Variants in TICRR observed in about 807,000 individuals in gnomAD.
TICRR encodes the protein TOPBP1 interacting checkpoint and replication regulator.
TICRR carries 132 observed loss-of-function variants against 178.1 expected under a neutral mutation model. That is an observed-to-expected ratio of 0.74 (90% CI 0.64 to 0.86). The LOEUF (loss-of-function observed/expected upper bound fraction) is 0.86, where lower values mean the gene tolerates loss of function less well. Among genes scored for constraint, TICRR ranks in the 40% least tolerant of loss-of-function variants. The pLI, the probability that TICRR is intolerant of heterozygous loss-of-function variation, is 0.00. For synonymous variants in TICRR, 991 were observed against 900.7 expected (o/e 1.10, Z -1.79); for missense variants, 2,587 against 2,334.3 (o/e 1.11, Z -2.23).
Position 89,624,027 on chromosome 15 carries a change from G to A in TICRR, c.3717G>A (p.Glu1239=). 2 of 1,613,948 alleles carry A rather than the reference G, an allele frequency of 1.2e-6. No individual in the cohort carries two copies. The highest frequency in any genetic ancestry group is 1.1e-5 in the South Asian group (1 of 91,052). Residue 1239 remains glutamate, a synonymous_variant, in exon 20 of 22, where the codon GAG becomes GAA. Coordinates refer to ENST00000268138, the MANE Select transcript of TICRR (RefSeq NM_152259.4). ...PTSSTAQPRR[E]CLTPIRDPLR... is the part of the protein sequence containing the mutation. ...CATCGACTGCCCAGCCCAGGAGAGA[G>A]TGTCTCACTCCCATCAGAGACCCTC...
At chr15:89,605,560 C>T (rs1342956035) in intron 13 of TICRR, among the ~76,000 whole-genome samples, 1 of 152,096 alleles carries the variant, frequency 6.6e-6, no homozygotes, top group East Asian at 1.9e-4. Flanking sequence ...GGAGTTTCAC[C>T]ATGTTAGCCA....
Position 89,610,688 on chromosome 15 carries a change from T to C in TICRR, c.2869+1739T>C, listed in dbSNP as rs978770426. ...TTTCAATTGCAGTGCTTAATCCACT[T>C]CTATGAATGTAATTACTAATAAGGA... On this transcript the variant is annotated intron_variant, in intron 15 of 21. Coordinates refer to ENST00000268138, the MANE Select transcript of TICRR (RefSeq NM_152259.4). 1.1e-4 allele frequency among the ~76,000 whole-genome samples: 16 copies of C among 152,318 alleles called. 1 individual carries two copies. Among genetic ancestry groups the C allele is most frequent in the Admixed American group, 9.1e-4 (14 of 15,302 alleles).
At chr15:89,621,353 T>G in intron 18 of TICRR, 40 bp from the exon 19 acceptor site, 4 of 1,575,892 alleles carry the variant, frequency 2.5e-6, no homozygotes, top group Non-Finnish European at 3.4e-6. Context: ...GAACAGGAAT[T>G]GAGAAAGAAT....
chr15:89,594,460 T>A lies in TICRR; in HGVS notation c.1587T>A (p.Thr529=), dbSNP rs752230241. Residue 529 remains threonine (T), a synonymous_variant, in exon 6 of 22, where the codon ACT becomes ACA. Transcript: ENST00000268138. ...CTAATAAGGAAGAGTCTTCCAAAAC[T>A]GAAGGCGAATTAATACATTGCCTTG... is the stretch of plus-strand genomic sequence containing the variant. ...ASANKEESSK[T]EGELIHCLAE... The A allele has an allele frequency of 5.6e-6, 9 of 1,613,376 alleles. No individual in the cohort carries two copies. The highest frequency in any genetic ancestry group is 6.8e-6 in the Non-Finnish European group (8 of 1,179,614).
At position 89,594,550 on chromosome 15, in the gene TICRR, G is replaced by A; in HGVS notation, c.1677G>A (p.Lys559=). The change falls in exon 6 of 22, where the codon AAG becomes AAA. Residue 559 remains lysine (K), a synonymous_variant. Coordinates refer to ENST00000268138, the MANE Select transcript of TICRR (RefSeq NM_152259.4). ...STIAHQEDSK[K]KRGVPRTPVR... is the part of the protein sequence containing the mutation. ...TAGCTCATCAAGAAGACAGCAAAAA[G>A]AAACGTATGTACCTAGAAAGGCTGT... 1.3e-6 allele frequency: 2 copies of A among 1,596,392 alleles called. No individual in the cohort carries two copies. Among genetic ancestry groups the A allele is most frequent in the Non-Finnish European group, 8.5e-7 (1 of 1,171,270 alleles).
Position 89,595,616 on chromosome 15 carries a change from T to G in TICRR, c.1900+5T>G. The G allele has an allele frequency of 1.2e-6, 2 of 1,607,792 alleles. No individual in the cohort carries two copies. The highest frequency in any genetic ancestry group is 8.5e-7 in the Non-Finnish European group (1 of 1,175,182). On this transcript the variant is annotated splice_donor_5th_base_variant and intron_variant, in intron 7 of 21. Coordinates refer to ENST00000268138, the MANE Select transcript of TICRR (RefSeq NM_152259.4). ...TAAGAAGTTCTAAACCTAAAGGTAT[T>G]CCTCTTAGTCTATAATTTACTCTTT...
rs760747262 is a variant in TICRR at position 89,625,806 on chromosome 15, C to T, written c.5476+20C>T. The stretch of plus-strand genomic sequence containing the variant: ...TTTCCGGTGAGTTCGTTTTTGAAAC[C>T]CAGTTTCCTCATGGTTTCTTTTGGT... On this transcript the variant is annotated intron_variant, in intron 20 of 21. Transcript: ENST00000268138. 4 of 1,581,628 alleles carry T rather than the reference C, an allele frequency of 2.5e-6. No homozygotes were observed. The East Asian group carries it at 9.0e-5, about 36-fold the overall frequency.
intron 4 of TICRR, among the ~76,000 whole-genome samples, chr15:89,587,952 T>G (rs1270533390): frequency 6.6e-6 from 1 of 152,052 alleles, no homozygotes; most frequent in African/African-American, 2.4e-5. Context: ...ATGGTAAAAA[T>G]TAATGCAGGG....
chr15:89,575,566 C>G lies in TICRR; in HGVS notation c.-21C>G, dbSNP rs569525291. The G allele has an allele frequency of 5.5e-5, 79 of 1,443,236 alleles. 1 individual carries two copies. In the African/African-American group the frequency reaches 1.1e-3, roughly 20 times the overall value. The allele number at this position is 1,443,236 out of a possible 1,614,324, so 89.4% of individuals were successfully genotyped here. A position where few individuals can be genotyped will look rare whatever the true frequency, so the allele number is the denominator to read the frequency against. ...GTGGCGCGGGCCCGGACCGGGGCCC[C>G]GGGGCGGCGGCACGGCCGATATGGC... On this transcript the variant is annotated 5_prime_UTR_variant, in exon 1 of 22. Coordinates refer to ENST00000268138, the MANE Select transcript of TICRR (RefSeq NM_152259.4).
chr15:89,618,120 T>A (rs1255785436), intron 16 of TICRR, 32 bp from the exon 17 acceptor site: 5 of 1,608,548 alleles, frequency 3.1e-6, no homozygotes, highest in Non-Finnish European at 4.3e-6. Flanking sequence ...ACAAGTGGTA[T>A]GGAGTAATCC....
rs1293822455 is a variant in TICRR, at chr15:89,576,916, T to C, written c.654+676T>C. 6.0e-5 allele frequency among the ~76,000 whole-genome samples: 9 copies of C among 149,462 alleles called. No individual in the cohort carries two copies. The East Asian group carries it at 1.8e-3, about 29-fold the overall frequency. ...TTATATACATATATATATTTATTTA[T>C]TATTATTTTTTGAGACAGTGTATGT... On this transcript the variant is annotated intron_variant, in intron 1 of 21. Transcript: ENST00000268138.
Position 89,585,919 on chromosome 15 carries a change from C to T in TICRR, c.1388C>T (p.Ser463Leu), listed in dbSNP as rs758956031. The T allele has an allele frequency of 5.6e-6, 9 of 1,613,892 alleles. No homozygotes were observed. The highest frequency in any genetic ancestry group is 5.3e-5 in the African/African-American group (4 of 74,898). Residue 463 changes from serine (S) to leucine (L), a missense_variant, in exon 4 of 22, where the codon TCG becomes TTG. Transcript: ENST00000268138. ...AGTATATTGAATCAGACTCATGATT[C>T]GCTTGCAGATACTGCTTCTGCTGGT... is the stretch of plus-strand genomic sequence containing the variant. ...VDSILNQTHD[S>L]LADTASAASP...
intron 14 of TICRR, 22 bp downstream of exon 14, chr15:89,606,847 T>C (rs1275635503): frequency 6.2e-7 from 1 of 1,606,732 alleles, no homozygotes; most frequent in Admixed American, 1.7e-5. Context: ...TCTCAGTGTA[T>C]GTATTTATTC....
At chr15:89,580,809 A>G (rs907948153) in intron 1 of TICRR, among the ~76,000 whole-genome samples, 17 of 152,274 alleles carry the variant, frequency 1.1e-4, no homozygotes, top group African/African-American at 3.4e-4. Context: ...AGACAGGAGG[A>G]TCTCTTGCAC....
chr15:89,621,604 A>C, intron 19 of TICRR, 54 bp downstream of exon 19: 1 of 1,471,234 alleles, frequency 6.8e-7, no homozygotes. Context: ...ACACAGAGAC[A>C]TGGCCAAGGA....
rs1481019060 is a variant in TICRR at position 89,627,893 on chromosome 15, A to AAAGT, written c.*808_*811dup. ...CTCTGAACTGTCTCTCAGTCTCCAG[A>AAAGT]AAGTGTTCAAGCCTGTTGTGTTCCC... On this transcript the variant is annotated 3_prime_UTR_variant, in exon 22 of 22. Coordinates refer to ENST00000268138, the MANE Select transcript of TICRR (RefSeq NM_152259.4). 6.5e-6 allele frequency: 1 copy of AAAGT among 152,902 alleles called. No homozygotes were observed. The highest frequency in any genetic ancestry group is 2.4e-5 in the African/African-American group (1 of 41,456). 9.5% of individuals were successfully genotyped at this position (152,902 alleles called of 1,614,324 possible).
chr15:89,602,929 TAAG>T (rs1963120366), intron 13 of TICRR, 37 bp downstream of exon 13: 1 of 1,222,068 alleles, frequency 8.2e-7, no homozygotes, highest in Non-Finnish European at 1.1e-6. Flanking sequence ...ACACAGTAAA[TAAG>T]AACAAAAAGG....
Position 89,625,226 on chromosome 15 carries a change from G to C in TICRR, c.4916G>C (p.Gly1639Ala). ...LSHSTPGKSR[G>A]QTYICQACTP... ...CACAGCACACCTGGCAAGAGCAGGG[G>C]GCAAACCTACATCTGCCAGGCCTGT... The change falls in exon 20 of 22, where the codon GGG becomes GCG. Residue 1639 changes from glycine (G) to alanine (A), a missense_variant. Transcript: ENST00000268138. The C allele has an allele frequency of 6.2e-7, 1 of 1,613,706 alleles. No homozygotes were observed. Among genetic ancestry groups the C allele is most frequent in the Non-Finnish European group, 8.5e-7 (1 of 1,179,842 alleles).
chr15:89,614,920 C>T (rs1567049417), intron 15 of TICRR, among the ~76,000 whole-genome samples: 2 of 152,120 alleles, frequency 1.3e-5, no homozygotes, highest in Non-Finnish European at 2.9e-5. Context: ...TTTAGAATTC[C>T]ACTTCACTTT....
Sources: gnomAD v4.1 joint callset for allele counts (sites outside exome capture counted in the v4.1 genomes callset) on GRCh38, gnomAD v4.1.1 for gene constraint, MANE v1.5 for transcripts, NCBI Gene and HGNC (gene_info 2026-07-23, HGNC 2026-07-21) for gene names.